TARS3: variants seen among roughly 807,000 people sequenced by gnomAD.
TARS3 encodes threonyl-tRNA synthetase 3, also known as threonine--tRNA ligase 2, cytoplasmic.
A neutral mutation model predicts 103.5 loss-of-function variants in TARS3; 94 were observed. The ratio of observed to expected loss-of-function variants is 0.91; its 90% confidence interval spans 0.77 to 1.08. TARS3 has a LOEUF of 1.08. Ranked by LOEUF, TARS3 falls within the 50% of genes least tolerant of loss-of-function variation. TARS3 has a pLI of 0.00. For synonymous variants in TARS3, 416 were observed against 355.4 expected, an observed-to-expected ratio of 1.17 and a Z score of -1.92; for missense variants, 952 against 995.2, an observed-to-expected ratio of 0.96 and a Z score of 0.58.
chr15:101,685,804 G>T, intron 11 of TARS3, 92 bp downstream of exon 11: 2 of 1,037,250 alleles, frequency 1.9e-6, no homozygotes, highest in Non-Finnish European at 2.7e-6. Flanking sequence ...AGATTAAAGG[G>T]ACTCTTTCAT....
At chr15:101,718,959 A>T (rs530763920) in intron 3 of TARS3, among the ~76,000 whole-genome samples, 1 of 152,308 alleles carries the variant, frequency 6.6e-6, no homozygotes, top group Admixed American at 6.5e-5. Context: ...GAGCTGTGGA[A>T]ACTGCACAGA....
intron 12 of TARS3, among the ~76,000 whole-genome samples, chr15:101,681,079 C>T (rs926482106): frequency 3.3e-5 from 5 of 152,066 alleles, no homozygotes; most frequent in African/African-American, 1.2e-4. Context: ...TTATTGCCTT[C>T]GAATCTTAAT....
At chr15:101,702,535 C>A in intron 8 of TARS3, 150 bp from the exon 9 acceptor site, 2 of 681,636 alleles carry the variant, frequency 2.9e-6, no homozygotes, top group Non-Finnish European at 5.0e-6. Flanking sequence ...TTTGGGAGGC[C>A]AAGGTGGTTA....
intron 2 of TARS3, 59 bp from the exon 3 acceptor site, chr15:101,721,381 T>C: frequency 2.2e-6 from 3 of 1,389,406 alleles, no homozygotes; most frequent in African/African-American, 1.4e-5. Flanking sequence ...TTCCAGCTGC[T>C]CAGCTCTGAA....
intron 10 of TARS3, among the ~76,000 whole-genome samples, chr15:101,698,543 C>T (rs2141424959): frequency 6.6e-6 from 1 of 152,242 alleles, no homozygotes; most frequent in East Asian, 1.9e-4. Flanking sequence ...AGAATTTCTA[C>T]AGATGGTGAC....
Position 101,708,807 on chromosome 15 carries a change from G to A in TARS3, c.916C>T (p.Leu306=), listed in dbSNP as rs1899708246. The A allele has an allele frequency of 1.2e-6, 2 of 1,610,942 alleles. No homozygotes were observed. The change falls in exon 6 of 19, where the codon CTG becomes TTG. Residue 306 remains leucine (L), a synonymous_variant. Transcript: ENST00000335968. ...CCCCAAGTTACCTTAAACATTTCCAGGAGGATTTCCTTGCTGACTTCTAGT... is the reference window on the plus strand; with the variant it reads ...CCCCAAGTTACCTTAAACATTTCCAAGAGGATTTCCTTGCTGACTTCTAGT... ...ERLEVSKEIL[L]EMFKYNKFKC...
chr15:101,671,416 A>G, intron 15 of TARS3, 70 bp downstream of exon 15: 1 of 1,137,820 alleles, frequency 8.8e-7, no homozygotes, highest in Non-Finnish European at 1.3e-6. Context: ...TTATTTTTGC[A>G]TTGCTAATAC....
rs762331813 is a variant in TARS3 at position 101,705,702 on chromosome 15, C to A, written c.976G>T (p.Ala326Ser). The change falls in exon 7 of 19, where the codon GCA becomes TCA. Residue 326 changes from alanine to serine, a missense_variant. Coordinates refer to ENST00000335968, the MANE Select transcript of TARS3 (RefSeq NM_152334.3). Reference sequence around the variant, plus strand: ...ACAAACCTGTACACGGTGGTAGTTGCAGTGTTAACTTTCTCATTCAGAATG... The same window carrying A: ...ACAAACCTGTACACGGTGGTAGTTGAAGTGTTAACTTTCTCATTCAGAATG... ...CRILNEKVNT[A>S]TTTVYRCGPL... 164 of 1,611,104 alleles carry A rather than the reference C, an allele frequency of 1.0e-4. No homozygotes were observed. The highest frequency in any genetic ancestry group is 1.3e-4 in the Non-Finnish European group (150 of 1,178,340).
chr15:101,676,791 G>A (rs911646382), intron 12 of TARS3, among the ~76,000 whole-genome samples: 1 of 150,894 alleles, frequency 6.6e-6, no homozygotes, highest in Non-Finnish European at 1.5e-5. Flanking sequence ...ATAGGCATGA[G>A]CCACTACACC....
At chr15:101,695,111 G>T (rs1466790605) in intron 10 of TARS3, among the ~76,000 whole-genome samples, 2 of 152,108 alleles carry the variant, frequency 1.3e-5, no homozygotes, top group African/African-American at 4.8e-5. Flanking sequence ...CCACAAAATG[G>T]CTTGAGGTAA....
chr15:101,668,693 G>GTATA (rs143632418), intron 15 of TARS3, among the ~76,000 whole-genome samples: 5 of 151,818 alleles, frequency 3.3e-5, no homozygotes, highest in African/African-American at 1.2e-4. Context: ...AGCTGTGCCT[G>GTATA]TATATATATA....
At chr15:101,700,792 C>T (rs1299382816) in intron 10 of TARS3, among the ~76,000 whole-genome samples, 1 of 152,056 alleles carries the variant, frequency 6.6e-6, no homozygotes, top group Non-Finnish European at 1.5e-5. Flanking sequence ...CAGGTGTGCA[C>T]CACCACACTC....
At chr15:101,675,561 C>T (rs374248810) in intron 13 of TARS3, 39 bp downstream of exon 13, 87 of 1,590,908 alleles carry the variant, frequency 5.5e-5, no homozygotes, top group Admixed American at 1.4e-4. Flanking sequence ...GTCTTCCATA[C>T]GACTAAAATG....
chr15:101,717,209 T>A (rs957577523), intron 3 of TARS3, among the ~76,000 whole-genome samples: 2 of 152,202 alleles, frequency 1.3e-5, no homozygotes, highest in African/African-American at 4.8e-5. Flanking sequence ...GCAGCAGTAC[T>A]GCATTGAGGT....
intron 10 of TARS3, among the ~76,000 whole-genome samples, chr15:101,692,572 T>C (rs369879415): frequency 7.8e-6 from 1 of 127,434 alleles, no homozygotes; most frequent in Admixed American, 7.6e-5. Flanking sequence ...CTCTCCTCCA[T>C]GGCTCCAAGC....
At chr15:101,659,467 G>T (rs941378204) in intron 16 of TARS3, among the ~76,000 whole-genome samples, 2 of 151,992 alleles carry the variant, frequency 1.3e-5, no homozygotes, top group Non-Finnish European at 2.9e-5. Context: ...TTTACTTTTG[G>T]CTCCTGGGGA....
Position 101,654,486 on chromosome 15 carries a change from G to A in TARS3, c.*96C>T. ...GCTGAGGCCATGAGTGGACCCATCAGTGGCTCCAAAGTCGTAGAAGTACTA... is the reference window on the plus strand; with the variant it reads ...GCTGAGGCCATGAGTGGACCCATCAATGGCTCCAAAGTCGTAGAAGTACTA... On this transcript the variant is annotated 3_prime_UTR_variant, in exon 19 of 19. Transcript: ENST00000335968. The A allele has an allele frequency of 7.6e-7, 1 of 1,312,736 alleles. No individual in the cohort carries two copies. Among genetic ancestry groups the A allele is most frequent in the East Asian group, 2.4e-5 (1 of 41,258 alleles). 81.3% of individuals were successfully genotyped at this position (1,312,736 alleles called of 1,614,324 possible). A position where few individuals can be genotyped will look rare whatever the true frequency, so the allele number is the denominator to read the frequency against.
chr15:101,700,946 T>G, intron 10 of TARS3, 140 bp downstream of exon 10: 2 of 580,920 alleles, frequency 3.4e-6, no homozygotes, highest in African/African-American at 3.9e-5. Flanking sequence ...CTGGCCAGTA[T>G]CTCACTTTTA....
At chr15:101,674,154 G>A (rs1196021608) in intron 13 of TARS3, among the ~76,000 whole-genome samples, 1 of 152,198 alleles carries the variant, frequency 6.6e-6, no homozygotes, top group African/African-American at 2.4e-5. Context: ...CATGCTGGGT[G>A]CACTGCCCAC....
Sources: gnomAD v4.1 joint callset for allele counts (sites outside exome capture counted in the v4.1 genomes callset) on GRCh38, gnomAD v4.1.1 for gene constraint, MANE v1.5 for transcripts, NCBI Gene and HGNC (gene_info 2026-07-23, HGNC 2026-07-21) for gene names.